Variants in MYOZ2 observed in about 807,000 individuals in gnomAD.
The protein encoded by MYOZ2 is myozenin-2.
A neutral mutation model predicts 25.4 loss-of-function variants in MYOZ2; 19 were observed. The observed-to-expected ratio is 0.75, with a 90% CI of 0.52 to 1.10. The LOEUF is 1.10. Ranked by LOEUF, MYOZ2 falls within the 50% of genes least tolerant of loss-of-function variation. The pLI, the probability that MYOZ2 is intolerant of heterozygous loss-of-function variation, is 0.00. For missense variants in MYOZ2, 270 were observed against 317.9 expected (o/e 0.85, Z 1.15); for synonymous variants, 92 against 106.9 (o/e 0.86, Z 0.86).
intron 2 of MYOZ2, among the ~76,000 whole-genome samples, chr4:119,147,506 C>T (rs1345202973): frequency 2.0e-5 from 3 of 151,868 alleles, no homozygotes; most frequent in Non-Finnish European, 4.4e-5. Flanking sequence ...TTTGGGAGAC[C>T]GAGGTGGGCG....
rs1742280354 is a variant in MYOZ2, at chr4:119,185,831, T to C, written c.561-135T>C. 1.6e-5 allele frequency: 12 copies of C among 741,112 alleles called. No individual in the cohort carries two copies. In the South Asian group the frequency reaches 1.7e-4, roughly 11 times the overall value. The allele number at this position is 741,112 out of a possible 1,614,324, so 45.9% of individuals were successfully genotyped here. On this transcript the variant is annotated intron_variant, in intron 5 of 5. Transcript: ENST00000307128. ...GAGGTCACAAAATGACAGTCATTCA[T>C]AGAATATAAGTAAGCCCATAAAATA... is the stretch of plus-strand genomic sequence containing the variant.
At chr4:119,178,843 G>T (rs1481056485) in intron 5 of MYOZ2, among the ~76,000 whole-genome samples, 2 of 152,144 alleles carry the variant, frequency 1.3e-5, no homozygotes, top group Non-Finnish European at 2.9e-5. Context: ...CAGACCTCAG[G>T]TGATCCACCT....
intron 5 of MYOZ2, among the ~76,000 whole-genome samples, chr4:119,171,409 T>C (rs1250705096): frequency 6.6e-6 from 1 of 151,972 alleles, no homozygotes; most frequent in African/African-American, 2.4e-5. Context: ...TACACTTCAA[T>C]AAAATTTTTA....
chr4:119,181,692 G>A (rs1742186620), intron 5 of MYOZ2, among the ~76,000 whole-genome samples: 1 of 152,182 alleles, frequency 6.6e-6, no homozygotes, highest in Non-Finnish European at 1.5e-5. Context: ...TACTGAAGAG[G>A]TGGAATTTGG....
intron 5 of MYOZ2, among the ~76,000 whole-genome samples, chr4:119,175,886 C>G (rs1051976589): frequency 6.6e-6 from 1 of 152,034 alleles, no homozygotes; most frequent in South Asian, 2.1e-4. Context: ...CTAATAATTT[C>G]TGAACAAGGG....
At chr4:119,142,537 G>A (rs1006375908) in intron 2 of MYOZ2, among the ~76,000 whole-genome samples, 11 of 152,100 alleles carry the variant, frequency 7.2e-5, no homozygotes, top group Non-Finnish European at 1.3e-4. Flanking sequence ...CAAAGCTGAC[G>A]AGCAACTCCC....
At chr4:119,137,977 A>C (rs1741070515) in intron 2 of MYOZ2, among the ~76,000 whole-genome samples, 1 of 152,134 alleles carries the variant, frequency 6.6e-6, no homozygotes. Context: ...CTAATCATAA[A>C]ACAGTCAGTC....
chr4:119,147,885 C>T (rs1185239707), intron 2 of MYOZ2, among the ~76,000 whole-genome samples: 1 of 152,000 alleles, frequency 6.6e-6, no homozygotes, highest in East Asian at 1.9e-4. Flanking sequence ...TTAGAAAGCC[C>T]AAGAGGAGAA....
chr4:119,162,982 TA>T (rs1253899451), intron 4 of MYOZ2, among the ~76,000 whole-genome samples: 5 of 152,220 alleles, frequency 3.3e-5, no homozygotes, highest in African/African-American at 7.2e-5. Context: ...AGGGCTTGAT[TA>T]TTTTTTTAAA....
At chr4:119,145,515 TG>T (rs1368925514) in intron 2 of MYOZ2, among the ~76,000 whole-genome samples, 2 of 113,682 alleles carry the variant, frequency 1.8e-5, no homozygotes, top group Non-Finnish European at 3.7e-5. Flanking sequence ...ACTGTGTGTG[TG>T]TGTGTGTGTG....
At chr4:119,136,674 A>G (rs1741032540) in intron 2 of MYOZ2, 73 bp downstream of exon 2, 2 of 1,444,818 alleles carry the variant, frequency 1.4e-6, no homozygotes, top group Admixed American at 1.8e-5. Context: ...GTTGTTTAAT[A>G]TTCCATAGTT....
intron 2 of MYOZ2, among the ~76,000 whole-genome samples, chr4:119,148,744 T>TC (rs1490872364): frequency 1.0e-5 from 1 of 96,158 alleles, no homozygotes; most frequent in African/African-American, 3.0e-5. Flanking sequence ...TTTTTTTTTT[T>TC]TGCTGCTGCT....
intron 3 of MYOZ2, among the ~76,000 whole-genome samples, chr4:119,156,704 T>G (rs28461904): frequency 0.054 from 8,215 of 152,244 alleles, 351 homozygotes; most frequent in African/African-American, 0.12. Flanking sequence ...TATCAATATT[T>G]TATAAGTATA....
chr4:119,166,783 A>G (rs1276909620), intron 5 of MYOZ2, among the ~76,000 whole-genome samples: 1 of 152,104 alleles, frequency 6.6e-6, no homozygotes, highest in Non-Finnish European at 1.5e-5. Context: ...TTTCATTATT[A>G]TTATATCTGT....
At chr4:119,147,393 T>C (rs1741324521) in intron 2 of MYOZ2, among the ~76,000 whole-genome samples, 1 of 152,142 alleles carries the variant, frequency 6.6e-6, no homozygotes, top group Non-Finnish European at 1.5e-5. Context: ...TATATATGCA[T>C]AACTTATCAC....
At chr4:119,148,837 A>ATT (rs376406938) in intron 2 of MYOZ2, among the ~76,000 whole-genome samples, 360 of 149,102 alleles carry the variant, frequency 2.4e-3, no homozygotes, top group African/African-American at 8.7e-3. Flanking sequence ...TTTCTGAAGC[A>ATT]TTGTTTTAAA....
rs28447497 is a variant in MYOZ2, at chr4:119,157,860, G to A, written c.247-162G>A. The stretch of plus-strand genomic sequence containing the variant: ...TCAGTAAATCTTCTCATTCAAGTGC[G>A]CAACCATCTTACTATGAAAAAAATT... On this transcript the variant is annotated intron_variant, in intron 3 of 5. Transcript: ENST00000307128. 3.8e-3 allele frequency among the ~76,000 whole-genome samples: 572 copies of A among 152,128 alleles called. 6 individuals carry two copies. Among genetic ancestry groups the A allele is most frequent in the African/African-American group, 0.013 (548 of 41,494 alleles).
chr4:119,163,804 G>C (rs1053112567), intron 4 of MYOZ2, among the ~76,000 whole-genome samples: 4 of 152,060 alleles, frequency 2.6e-5, no homozygotes, highest in African/African-American at 9.7e-5. Context: ...TCTGCATTGC[G>C]ATTTCCCCTA....
intron 2 of MYOZ2, among the ~76,000 whole-genome samples, chr4:119,144,601 C>T (rs545961912): frequency 6.6e-6 from 1 of 152,266 alleles, no homozygotes; most frequent in Admixed American, 6.5e-5. Flanking sequence ...ACATCCTCAC[C>T]AGCAAATGGT....
Sources: allele counts gnomAD v4.1 joint callset (sites outside exome capture counted in the v4.1 genomes callset), GRCh38; gene constraint gnomAD v4.1.1; transcripts MANE v1.5; gene names NCBI Gene and HGNC (gene_info 2026-07-23, HGNC 2026-07-21).